The following USP16 variants were observed in gnomAD, a reference collection of about 807,000 sequenced individuals.
USP16 encodes the protein ubiquitin specific peptidase 16, also known as ubiquitin carboxyl-terminal hydrolase 16.
USP16 carries 77 observed loss-of-function variants against 95.9 expected under a neutral mutation model. The observed-to-expected ratio is 0.80, with a 90% confidence interval of 0.67 to 0.97. USP16 has a LOEUF of 0.97. USP16 is among the 50% of genes least tolerant of loss of function. USP16 has a pLI of 0.00. For synonymous variants in USP16, 303 were observed against 318.2 expected, an observed-to-expected ratio of 0.95 and a Z score of 0.51; for missense variants, 943 against 959.9, an observed-to-expected ratio of 0.98 and a Z score of 0.23.
At chr21:29,029,141 T>C (rs549035209) in intron 2 of USP16, among the ~76,000 whole-genome samples, 14 of 152,208 alleles carry the variant, frequency 9.2e-5, no homozygotes, top group East Asian at 5.8e-4. Flanking sequence ...TGACCAGGTG[T>C]GGTGGCTCAC....
chr21:29,026,179 C>A (rs972959634), intron 1 of USP16, among the ~76,000 whole-genome samples: 2 of 152,162 alleles, frequency 1.3e-5, no homozygotes, highest in Non-Finnish European at 2.9e-5. Context: ...AAGGACTTGG[C>A]CAGGTGCTGT....
At chr21:29,048,098 T>TGTGTGTGTG (rs2085358235) in intron 14 of USP16, among the ~76,000 whole-genome samples, 6 of 141,008 alleles carry the variant, frequency 4.3e-5, no homozygotes, top group African/African-American at 1.1e-4. Context: ...TGTGTGTGTG[T>TGTGTGTGTG]TTTGAGACAG....
chr21:29,044,483 G>C (rs1383318493), intron 13 of USP16, among the ~76,000 whole-genome samples: 1 of 124,304 alleles, frequency 8.0e-6, no homozygotes, highest in African/African-American at 3.1e-5. Flanking sequence ...GTCTCACTCT[G>C]TCGCCCAGGC....
intron 16 of USP16, chr21:29,053,028 G>GCCCAGA (rs1323022446): frequency 6.6e-6 from 1 of 152,218 alleles, no homozygotes; most frequent in Admixed American, 6.6e-5. Context: ...GTGATGACAA[G>GCCCAGA]CCCAGACTCT....
intron 1 of USP16, chr21:29,026,708 G>A (rs2084997281): frequency 6.6e-6 from 1 of 151,702 alleles, no homozygotes. Flanking sequence ...CTCATCGTTT[G>A]TGTGATCTTT....
intron 13 of USP16, among the ~76,000 whole-genome samples, chr21:29,045,051 T>A (rs1034158724): frequency 6.6e-6 from 1 of 152,244 alleles, no homozygotes; most frequent in Non-Finnish European, 1.5e-5. Flanking sequence ...ATGGAAAATA[T>A]TATCTCAGTG....
chr21:29,033,911 G>A (rs1399486032), intron 3 of USP16, among the ~76,000 whole-genome samples: 2 of 152,162 alleles, frequency 1.3e-5, no homozygotes, highest in African/African-American at 4.8e-5. Flanking sequence ...GATTTGGTTA[G>A]GTAGCAGTGT....
At chr21:29,048,981 C>T (rs1165889065) in intron 15 of USP16, 126 bp downstream of exon 15, 4 of 726,330 alleles carry the variant, frequency 5.5e-6, no homozygotes, top group Non-Finnish European at 8.8e-6. Flanking sequence ...ACTGTAATGT[C>T]AATGAAGTCA....
intron 13 of USP16, among the ~76,000 whole-genome samples, chr21:29,046,454 G>A (rs1006914281): frequency 1.3e-5 from 2 of 152,010 alleles, no homozygotes; most frequent in African/African-American, 2.4e-5. Flanking sequence ...AGCCAATTTC[G>A]TCATAATTTT....
In USP16 at chr21:29,040,664, A is replaced by G; in HGVS notation, c.1007A>G (p.Glu336Gly). The stretch of plus-strand genomic sequence containing the variant: ...GGTAATTCTACTGAAAAGTTGGATG[A>G]AGAACTAAAAAATAAAGTTAAAGGT... ...AFGNSTEKLD[E>G]ELKNKVKDYE... Residue 336 changes from glutamate (E) to glycine (G), a missense_variant, in exon 10 of 18, where the codon GAA becomes GGA. Glu to Gly is a moderately conservative substitution (Grantham distance 98, BLOSUM62 -2). Transcript: ENST00000399976. The G allele has an allele frequency of 6.5e-7, 1 of 1,544,076 alleles. No individual in the cohort carries two copies. Among genetic ancestry groups the G allele is most frequent in the Non-Finnish European group, 8.9e-7 (1 of 1,127,240 alleles).
chr21:29,025,691 CCTTTT>C, intron 1 of USP16: 1 of 974,420 alleles, frequency 1.0e-6, no homozygotes, highest in Non-Finnish European at 1.2e-6. Context: ...CATTTTTCAC[CCTTTT>C]CTTTTTCACC....
intron 13 of USP16, 70 bp from the exon 14 acceptor site, chr21:29,046,597 A>C (rs766788634): frequency 1.9e-5 from 28 of 1,460,280 alleles, no homozygotes; most frequent in Middle Eastern, 2.4e-4. Flanking sequence ...TTCTTCCTCT[A>C]TCTCTCTTCC....
chr21:29,050,156 C>G lies in USP16; in HGVS notation c.2171C>G (p.Pro724Arg). 1 of 1,613,510 alleles carries G rather than the reference C, an allele frequency of 6.2e-7. No individual in the cohort carries two copies. The highest frequency in any genetic ancestry group is 8.5e-7 in the Non-Finnish European group (1 of 1,179,942). The change falls in exon 16 of 18, where the codon CCT becomes CGT. Residue 724 changes from proline (P) to arginine (R), a missense_variant. By Grantham distance (103) the Pro-to-Arg change is moderately radical. Transcript: ENST00000399976. ...IKFPEILDLAPFCTLKCKNVA... is the reference protein window; with the variant it reads ...IKFPEILDLARFCTLKCKNVA... Reference sequence around the variant, plus strand: ...TTTCCGGAAATCTTAGATTTGGCTCCTTTTTGCACCCTTAAATGTAAGGTA... The same window carrying G: ...TTTCCGGAAATCTTAGATTTGGCTCGTTTTTGCACCCTTAAATGTAAGGTA...
At chr21:29,044,215 T>C (rs2085287993) in intron 13 of USP16, among the ~76,000 whole-genome samples, 2 of 152,200 alleles carry the variant, frequency 1.3e-5, no homozygotes, top group African/African-American at 2.4e-5. Context: ...ATTACAGGCA[T>C]GAGCCACCGC....
intron 10 of USP16, among the ~76,000 whole-genome samples, 176 bp downstream of exon 10, chr21:29,040,863 T>G (rs1313510079): frequency 6.6e-6 from 1 of 152,196 alleles, no homozygotes; most frequent in East Asian, 1.9e-4. Context: ...TACCCCATGG[T>G]GTATTCTTTT....
At chr21:29,039,428 T>C (rs370331604) in intron 8 of USP16, 53 bp from the exon 9 acceptor site, 1 of 1,567,158 alleles carries the variant, frequency 6.4e-7, no homozygotes, top group East Asian at 2.3e-5. Context: ...TAAAAATAGC[T>C]TCAGAGCTTA....
At chr21:29,032,831 G>A (rs1025720176) in intron 3 of USP16, among the ~76,000 whole-genome samples, 1 of 152,132 alleles carries the variant, frequency 6.6e-6, no homozygotes, top group Non-Finnish European at 1.5e-5. Flanking sequence ...AGTTTTTTAA[G>A]AAACTGCCAA....
At chr21:29,047,378 G>A (rs1446103814) in intron 14 of USP16, 57 bp downstream of exon 14, 7 of 1,519,886 alleles carry the variant, frequency 4.6e-6, no homozygotes, top group Non-Finnish European at 5.3e-6. Context: ...ATTTTGCACT[G>A]CATAGGTAGA....
chr21:29,032,426 T>C (rs1317551575), intron 3 of USP16, among the ~76,000 whole-genome samples: 2 of 152,060 alleles, frequency 1.3e-5, no homozygotes, highest in Non-Finnish European at 2.9e-5. Context: ...AAGATGCGGT[T>C]TTGGTATACT....
Sources: gnomAD v4.1 joint callset for allele counts (sites outside exome capture counted in the v4.1 genomes callset) on GRCh38, gnomAD v4.1.1 for gene constraint, MANE v1.5 for transcripts, NCBI Gene and HGNC (gene_info 2026-07-23, HGNC 2026-07-21) for gene names.